Variants in UBAP2 observed in about 807,000 individuals in gnomAD.
UBAP2 encodes ubiquitin-associated protein 2.
A neutral mutation model predicts 139.6 loss-of-function variants in UBAP2; 75 were observed. That is an observed-to-expected ratio of 0.54 (90% CI 0.45 to 0.65). The LOEUF is 0.65. Among genes scored for constraint, UBAP2 ranks in the 30% least tolerant of loss-of-function variants. The pLI, the probability that UBAP2 is intolerant of heterozygous loss-of-function variation, is 0.00. For missense variants in UBAP2, 1,368 were observed against 1,369.6 expected (o/e 1.00, Z 0.02); for synonymous variants, 526 against 526.2 (o/e 1.00, Z 0.01).
intron 1 of UBAP2, among the ~76,000 whole-genome samples, chr9:34,030,024 G>A (rs1049191155): frequency 6.6e-6 from 1 of 151,754 alleles, no homozygotes; most frequent in Admixed American, 6.6e-5. Context: ...ACATAGGCCA[G>A]GCACGGTGGC....
At chr9:33,954,269 T>TACACACACACAC (rs60078088) in intron 11 of UBAP2, among the ~76,000 whole-genome samples, 10,854 of 139,718 alleles carry the variant, frequency 0.078, 532 homozygotes, top group African/African-American at 0.11. Context: ...TGTGTGTATA[T>TACACACACACAC]ACACACACAC....
chr9:33,944,767 C>A, intron 13 of UBAP2, 128 bp from the exon 14 acceptor site: 1 of 1,065,610 alleles, frequency 9.4e-7, no homozygotes, highest in South Asian at 1.7e-5. Context: ...GTTTTACACA[C>A]ACTATGTGTA....
intron 8 of UBAP2, 67 bp downstream of exon 8, chr9:33,971,584 T>G: frequency 8.3e-5 from 76 of 914,590 alleles, no homozygotes; most frequent in Non-Finnish European, 1.3e-4. Flanking sequence ...CATCTTTGTA[T>G]GAGAACATAC....
At chr9:33,979,046 T>C (rs1481502717) in intron 6 of UBAP2, among the ~76,000 whole-genome samples, 1 of 152,132 alleles carries the variant, frequency 6.6e-6, no homozygotes, top group Non-Finnish European at 1.5e-5. Context: ...AAGACCAGCC[T>C]GGGCAACACA....
At chr9:33,951,095 C>G (rs1826054730) in intron 12 of UBAP2, among the ~76,000 whole-genome samples, 1 of 152,186 alleles carries the variant, frequency 6.6e-6, no homozygotes, top group Non-Finnish European at 1.5e-5. Context: ...ACAGAACAAC[C>G]TCCTGGGCTC....
chr9:34,039,265 C>T (rs1195140628), intron 1 of UBAP2, among the ~76,000 whole-genome samples: 5 of 133,112 alleles, frequency 3.8e-5, no homozygotes, highest in South Asian at 2.6e-4. Context: ...CCGCCCCGTC[C>T]GAGAGGTGGG....
chr9:34,027,738 G>A lies in UBAP2; in HGVS notation c.-41-10549C>T, dbSNP rs188361116. Among the ~76,000 whole-genome samples the A allele has an allele frequency of 8.5e-3, 1,295 of 151,490 alleles. 15 individuals are homozygous for A. The highest frequency in any genetic ancestry group is 0.011 in the Non-Finnish European group (751 of 67,882). On this transcript the variant is annotated intron_variant, in intron 1 of 28. Transcript: ENST00000379238. ...TAGCCGGGGGTGGTGGCGGGTACCT[G>A]TAGCCCCAGCTACTCAGGAGACTGA...
Position 33,941,683 on chromosome 9 carries a change from A to G in UBAP2, c.1895T>C (p.Val632Ala). Residue 632 changes from valine (V) to alanine (A), a missense_variant, in exon 16 of 29, where the codon GTG becomes GCG. By Grantham distance (64) the Val-to-Ala change is moderately conservative. Transcript: ENST00000379238. ...VHNRIPYQSP[V>A]SSSESAPGTI... ...TCCTGGAGCTGACTCTGATGAACTCACAGGGCTTTGGTATGGGATCCTGTT... is the reference window on the plus strand; with the variant it reads ...TCCTGGAGCTGACTCTGATGAACTCGCAGGGCTTTGGTATGGGATCCTGTT... 1 of 1,614,184 alleles carries G rather than the reference A, an allele frequency of 6.2e-7. No individual in the cohort carries two copies. The highest frequency in any genetic ancestry group is 8.5e-7 in the Non-Finnish European group (1 of 1,180,026).
intron 1 of UBAP2, among the ~76,000 whole-genome samples, chr9:34,045,580 G>T (rs577058509): frequency 3.3e-5 from 5 of 151,818 alleles, no homozygotes; most frequent in African/African-American, 1.2e-4. Context: ...CACCATGTTG[G>T]TTAGGTTAGT....
intron 16 of UBAP2, 129 bp downstream of exon 16, chr9:33,941,520 A>G (rs1825199721): frequency 6.3e-6 from 5 of 793,644 alleles, no homozygotes; most frequent in Admixed American, 2.4e-5. Context: ...TCAATGAACT[A>G]TAAGGATTCT....
intron 6 of UBAP2, among the ~76,000 whole-genome samples, chr9:33,976,694 T>C (rs1455877860): frequency 6.6e-6 from 1 of 152,216 alleles, no homozygotes; most frequent in South Asian, 2.1e-4. Flanking sequence ...GTAAATTTTG[T>C]AAAGAATATT....
intron 1 of UBAP2, among the ~76,000 whole-genome samples, chr9:34,027,947 G>A (rs903498123): frequency 6.6e-6 from 1 of 150,560 alleles, no homozygotes. Flanking sequence ...ACCCGTAATC[G>A]AGGAGAGAAC....
intron 2 of UBAP2, among the ~76,000 whole-genome samples, chr9:34,011,053 T>C (rs1823714108): frequency 6.6e-6 from 1 of 152,062 alleles, no homozygotes; most frequent in Non-Finnish European, 1.5e-5. Flanking sequence ...TTTGTAAACG[T>C]GCACAATTTA....
chr9:33,965,868 G>A (rs1444017453), intron 8 of UBAP2, among the ~76,000 whole-genome samples: 1 of 151,816 alleles, frequency 6.6e-6, no homozygotes, highest in Non-Finnish European at 1.5e-5. Context: ...CTAACACAGT[G>A]AAGCCCCGTC....
chr9:33,938,548 G>A (rs1022754964), intron 16 of UBAP2, among the ~76,000 whole-genome samples: 2 of 152,174 alleles, frequency 1.3e-5, no homozygotes, highest in African/African-American at 4.8e-5. Context: ...TGTAATCCCA[G>A]CACTTTGGGA....
intron 12 of UBAP2, chr9:33,949,076 A>G: frequency 6.4e-6 from 1 of 155,708 alleles, no homozygotes; most frequent in Non-Finnish European, 1.4e-5. Flanking sequence ...CTGAGGCAGG[A>G]GAATGGCATG....
chr9:34,013,094 C>T (rs1253165734), intron 2 of UBAP2, among the ~76,000 whole-genome samples: 3 of 140,816 alleles, frequency 2.1e-5, no homozygotes, highest in African/African-American at 5.5e-5. Flanking sequence ...GCACAGTTGC[C>T]GTTAGCCGAG....
intron 2 of UBAP2, among the ~76,000 whole-genome samples, chr9:34,013,104 G>A (rs974581970): frequency 1.6e-5 from 2 of 128,740 alleles, no homozygotes; most frequent in African/African-American, 3.1e-5. Context: ...CGTTAGCCGA[G>A]ATCAAGCCAC....
intron 4 of UBAP2, chr9:33,995,869 T>C (rs1822159367): frequency 6.1e-6 from 1 of 163,924 alleles, no homozygotes; most frequent in Non-Finnish European, 1.3e-5. Flanking sequence ...ATAATAGAGA[T>C]GTAAGAAGTA....
Sources: gnomAD v4.1 joint callset for allele counts (sites outside exome capture counted in the v4.1 genomes callset) on GRCh38, gnomAD v4.1.1 for gene constraint, MANE v1.5 for transcripts, NCBI Gene and HGNC (gene_info 2026-07-23, HGNC 2026-07-21) for gene names.